GGT1: variants seen among roughly 807,000 people sequenced by gnomAD.
GGT1 encodes the protein glutathione hydrolase 1 proenzyme.
A neutral mutation model predicts 56.0 loss-of-function variants in GGT1; 21 were observed. The observed-to-expected ratio is 0.38, with a 90% CI of 0.27 to 0.54. The LOEUF (loss-of-function observed/expected upper bound fraction) is 0.54. GGT1 is among the 20% of genes least tolerant of loss of function. The pLI, the probability that GGT1 is intolerant of heterozygous loss-of-function variation, is 0.82. For synonymous variants in GGT1, 238 were observed against 342.6 expected, an observed-to-expected ratio of 0.69 and a Z score of 3.37; for missense variants, 466 against 787.0, an observed-to-expected ratio of 0.59 and a Z score of 4.88.
the GGT1 span, among the ~76,000 whole-genome samples, chr22:24,587,825 T>G: frequency 4.6e-5 from 7 of 152,018 alleles, no homozygotes; most frequent in Admixed American, 2.0e-4. Flanking sequence ...CCCTCTAAAA[T>G]GAGAATCGCG....
intron 7 of GGT1, among the ~76,000 whole-genome samples, chr22:24,618,222 C>T (rs1457021270): frequency 6.6e-6 from 1 of 152,162 alleles, no homozygotes; most frequent in Admixed American, 6.5e-5. Context: ...CCATAGTCCT[C>T]TCTTCGTTAC....
At chr22:24,590,735 C>T (rs969020311), upstream of GGT1, among the ~76,000 whole-genome samples, 2 of 152,132 alleles carry the variant, frequency 1.3e-5, no homozygotes, top group African/African-American at 2.4e-5. Flanking sequence ...CCCTTGGGGG[C>T]GGACCTCTCT....
chr22:24,616,074 A>G (rs2047041026), intron 7 of GGT1: 1 of 150,526 alleles, frequency 6.6e-6, no homozygotes, highest in Non-Finnish European at 1.5e-5. Flanking sequence ...TGATTGTACC[A>G]CTACACTCTA....
chr22:24,589,582 A>G, the GGT1 span: 2 of 522,718 alleles, frequency 3.8e-6, no homozygotes, highest in Non-Finnish European at 3.1e-6. Flanking sequence ...GCTGCCACAC[A>G]GAAAATGGGT....
At chr22:24,605,735 T>TTATATAATGTGTATTATATATTATATAA (rs2046181706) in intron 1 of GGT1, among the ~76,000 whole-genome samples, 1 of 72,446 alleles carries the variant, frequency 1.4e-5, no homozygotes. Context: ...TTATATAATA[T>TTATATAATGTGTATTATATATTATATAA]TATATAATGT....
Position 24,611,151 on chromosome 22 carries a change from C to G in GGT1, c.70C>G (p.Leu24Val). ...GGTGCTGGTCATTGTCGGCCTCTGTCTCTGGCTGCCCTCAGCCTCCAAGGA... is the reference window on the plus strand; with the variant it reads ...GGTGCTGGTCATTGTCGGCCTCTGTGTCTGGCTGCCCTCAGCCTCCAAGGA... ...VLVLVIVGLC[L>V]WLPSASKEPD... The change falls in exon 5 of 16, where the codon CTC (leucine) becomes GTC (valine). Residue 24 changes from leucine to valine, a missense_variant. By Grantham distance (32) the Leu-to-Val change is conservative (BLOSUM62 1). Transcript: ENST00000400382. 1 of 1,599,992 alleles carries G rather than the reference C, an allele frequency of 6.3e-7. No individual in the cohort carries two copies. Among genetic ancestry groups the G allele is most frequent in the Non-Finnish European group, 8.5e-7 (1 of 1,173,468 alleles).
intron 5 of GGT1, among the ~76,000 whole-genome samples, chr22:24,613,236 C>A (rs555964778): frequency 4.6e-5 from 7 of 152,016 alleles, no homozygotes; most frequent in Non-Finnish European, 1.0e-4. Flanking sequence ...TCACACCTGA[C>A]TAATTAAAAA....
chr22:24,621,259 C>T lies in GGT1; in HGVS notation c.733+189C>T, dbSNP rs538801261. Among the ~76,000 whole-genome samples the T allele has an allele frequency of 8.8e-4, 134 of 152,076 alleles. 2 individuals are homozygous for T. The East Asian group carries it at 0.022, about 25-fold the overall frequency. ...CAAAACCAAGAGAGGCCACACAGTCCAGGAGAGCAAGTCCCTGTTGGGGTA... is the reference window on the plus strand; with the variant it reads ...CAAAACCAAGAGAGGCCACACAGTCTAGGAGAGCAAGTCCCTGTTGGGGTA... On this transcript the variant is annotated intron_variant, in intron 9 of 15. Coordinates refer to ENST00000400382, the MANE Select transcript of GGT1 (RefSeq NM_001288833.2).
At chr22:24,601,081 C>G (rs1033887770), upstream of GGT1, among the ~76,000 whole-genome samples, 1 of 152,176 alleles carries the variant, frequency 6.6e-6, no homozygotes, top group African/African-American at 2.4e-5. Flanking sequence ...TACCAAGTGT[C>G]TCCTTGGTGC....
At chr22:24,623,978 T>C in intron 11 of GGT1, 62 bp downstream of exon 11, 1 of 1,603,452 alleles carries the variant, frequency 6.2e-7, no homozygotes, top group South Asian at 1.1e-5. Flanking sequence ...TCAGGTGGGC[T>C]CCCCAGGGTG....
intron 1 of GGT1, among the ~76,000 whole-genome samples, chr22:24,604,427 C>G (rs1451603408): frequency 1.3e-5 from 2 of 152,192 alleles, no homozygotes; most frequent in Non-Finnish European, 2.9e-5. Flanking sequence ...CTTCCTCATA[C>G]TCCTCTCTCT....
intron 5 of GGT1, among the ~76,000 whole-genome samples, chr22:24,611,773 TTGTGTGTGTGTGTGTGTGTGTG>T (rs57600451): frequency 0.056 from 7,385 of 131,002 alleles, 650 homozygotes; most frequent in African/African-American, 0.19. Flanking sequence ...CCCAACAAAT[TTGTGTGTGTGTGTGTGTGTGTG>T]TGTGTGTGTG....
upstream of GGT1, among the ~76,000 whole-genome samples, chr22:24,599,780 G>A (rs1311772951): frequency 9.8e-5 from 15 of 152,328 alleles, no homozygotes; most frequent in African/African-American, 2.4e-4. Context: ...TCCAAGAAGC[G>A]AGGGAGGTCG....
Position 24,611,252 on chromosome 22 carries a change from A to G in GGT1, c.164+7A>G, listed in dbSNP as rs4049871. 10,608 of 1,512,614 alleles carry G rather than the reference A, an allele frequency of 7.0e-3. 76 individuals are homozygous for G. The highest frequency in any genetic ancestry group is 0.017 in the African/African-American group (1,268 of 72,648). 93.7% of individuals were successfully genotyped at this position (1,512,614 alleles called of 1,614,324 possible). A position where few individuals can be genotyped will look rare whatever the true frequency, so the allele number is the denominator to read the frequency against. The stretch of plus-strand genomic sequence containing the variant: ...AGTGCTCGAAGATTGGGAGGTGAGC[A>G]GGGCAGGGCATGGGACATGGGCCCT... On this transcript the variant is annotated splice_region_variant and intron_variant, in intron 5 of 15. Transcript: ENST00000400382.
rs1463712448 is a variant in GGT1 at position 24,627,946 on chromosome 22, G to A, written c.1303G>A (p.Val435Ile). ...TCCCAGCATCACCAACGAGTTTGGG[G>A]TACCCCCCTCACCTGCCAATTTCAT... ...SSPSITNEFG[V>I]PPSPANFIQP... Residue 435 changes from valine to isoleucine, a missense_variant, in exon 13 of 16, where the codon GTA becomes ATA. Val to Ile is a conservative substitution (Grantham distance 29). This residue lies in a region of GGT1 where 456 missense variants were observed against 716.7 expected (regional missense o/e 0.64). Coordinates refer to ENST00000400382, the MANE Select transcript of GGT1 (RefSeq NM_001288833.2). 5.0e-6 allele frequency: 8 copies of A among 1,612,846 alleles called. No homozygotes were observed. Among genetic ancestry groups the A allele is most frequent in the African/African-American group, 1.3e-5 (1 of 74,660 alleles).
In GGT1 at chr22:24,596,742, CAAAAAAAA is replaced by C. The variant is rs57547019; in HGVS notation, c.-324+1870_-324+1877del. On this transcript the variant is annotated intron_variant, in intron 1 of 6. Coordinates refer to the GGT1 transcript ENST00000411974. Reference sequence around the variant, plus strand: ...GTGAAACCCTGTCTCTACTAAAATACAAAAAAAAAAAAAAAAAAAAATTAGCCTGGTGT... The same window carrying C: ...GTGAAACCCTGTCTCTACTAAAATACAAAAAAAAAAAAATTAGCCTGGTGT... 7.4e-5 allele frequency among the ~76,000 whole-genome samples: 8 copies of C among 108,346 alleles called. No homozygotes were observed. The East Asian group carries it at 1.1e-3, about 15-fold the overall frequency. 71.1% of individuals were successfully genotyped at this position (108,346 alleles called of 152,430 possible).
intron 1 of GGT1, 182 bp from the exon 2 acceptor site, chr22:24,607,755 CGCTCCTGCTCCTTCCCT>C (rs1299093239): frequency 3.1e-6 from 1 of 321,360 alleles, no homozygotes; most frequent in African/African-American, 2.2e-5. Context: ...GTCCTCTGGC[CGCTCCTGCTCCTTCCCT>C]GCCTCTGCTC....
rs564758221 is a variant in GGT1, at chr22:24,609,847, C to A, written c.-358-118C>A. 2,594 of 385,600 alleles carry A rather than the reference C, an allele frequency of 6.7e-3. 63 individuals are homozygous for A. Among genetic ancestry groups the A allele is most frequent in the African/African-American group, 0.05 (2,376 of 47,486 alleles). The allele number at this position is 385,600 out of a possible 1,614,324, so 23.9% of individuals were successfully genotyped here. On this transcript the variant is annotated intron_variant, in intron 2 of 15. Transcript: ENST00000400382. ...CAGGGGACATACAGTGAGCAAGAGACCTGTGCCACTCAGGCCTCCTGGGGG... is the reference window on the plus strand; with the variant it reads ...CAGGGGACATACAGTGAGCAAGAGAACTGTGCCACTCAGGCCTCCTGGGGG...
chr22:24,620,880 C>G lies in GGT1; in HGVS notation c.576-33C>G. 6.2e-7 allele frequency: 1 copy of G among 1,609,986 alleles called. No homozygotes were observed. On this transcript the variant is annotated intron_variant, in intron 8 of 15. Coordinates refer to ENST00000400382, the MANE Select transcript of GGT1 (RefSeq NM_001288833.2). The surrounding 1 kb of genome is among the most constrained non-coding windows in gnomAD (Gnocchi z 5.6). The stretch of plus-strand genomic sequence containing the variant: ...GGGTGGTCTAGCTGAGTCCACCCCA[C>G]CTGCTGCCTCACATGAGCCCCCTCT...
Sources: gnomAD v4.1 joint callset for allele counts (sites outside exome capture counted in the v4.1 genomes callset) on GRCh38, gnomAD v4.1.1 for gene constraint, gnomAD v4.1.1 regional missense constraint, Gnocchi (gnomAD v3.1) non-coding constraint, MANE v1.5 for transcripts, NCBI Gene and HGNC (gene_info 2026-07-23, HGNC 2026-07-21) for gene names.